The following DNAJC6 variants were observed in gnomAD, a reference collection of about 807,000 sequenced individuals.
DNAJC6 encodes the protein DnaJ heat shock protein family (Hsp40) member C6.
A neutral mutation model predicts 110.0 loss-of-function variants in DNAJC6; 34 were observed. That is an observed-to-expected ratio of 0.31 (90% confidence interval 0.24 to 0.41). The LOEUF (loss-of-function observed/expected upper bound fraction) is 0.41, where lower values mean the gene tolerates loss of function less well. Ranked by LOEUF, DNAJC6 falls within the 10% of genes least tolerant of loss-of-function variation. The probability of loss-of-function intolerance (pLI) is 1.00; values close to 1 mark genes in which losing one functional copy is unlikely to be tolerated. For synonymous variants in DNAJC6, 406 were observed against 437.2 expected (o/e 0.93, Z 0.89); for missense variants, 1,031 against 1,207.8 (o/e 0.85, Z 2.17).
rs149993478 is a variant in DNAJC6 at position 65,374,294 on chromosome 1, G to GT, written c.544-5108_544-5107insT. Among the ~76,000 whole-genome samples, 864 of 151,160 alleles carry GT rather than the reference G, an allele frequency of 5.7e-3. 6 individuals are homozygous for GT. Among genetic ancestry groups the GT allele is most frequent in the African/African-American group, 0.019 (774 of 40,968 alleles). Reference sequence around the variant, plus strand: ...TTTGTGGTTCCACATACATTTTAGGGGTTTTTTTTTATTTCTGTGAAGAAT... The same window carrying GT: ...TTTGTGGTTCCACATACATTTTAGGGTGTTTTTTTTTATTTCTGTGAAGAAT... On this transcript the variant is annotated intron_variant, in intron 4 of 18. Coordinates refer to ENST00000371069, the MANE Select transcript of DNAJC6 (RefSeq NM_001256864.2).
At chr1:65,352,746 C>G (rs1645504184) in intron 1 of DNAJC6, among the ~76,000 whole-genome samples, 1 of 152,164 alleles carries the variant, frequency 6.6e-6, no homozygotes, top group Admixed American at 6.5e-5. Context: ...AGTTGGCTTG[C>G]AATGGCAGCT....
At chr1:65,278,886 C>T (rs1294703392) in intron 1 of DNAJC6, 1 of 866,806 alleles carries the variant, frequency 1.2e-6, no homozygotes. Context: ...CTGGCATGCG[C>T]TAACATTGGA....
At chr1:65,373,853 T>C (rs1331869374) in intron 4 of DNAJC6, among the ~76,000 whole-genome samples, 2 of 152,218 alleles carry the variant, frequency 1.3e-5, no homozygotes, top group Admixed American at 6.5e-5. Flanking sequence ...AAGAAATTTT[T>C]GTCCAGATCA....
intron 1 of DNAJC6, among the ~76,000 whole-genome samples, chr1:65,344,068 G>A (rs1177877500): frequency 1.3e-5 from 2 of 152,136 alleles, no homozygotes; most frequent in Non-Finnish European, 2.9e-5. Flanking sequence ...CACCTGCATT[G>A]GCCAGATGCT....
At chr1:65,310,839 T>C (rs1645092745) in intron 1 of DNAJC6, among the ~76,000 whole-genome samples, 1 of 152,212 alleles carries the variant, frequency 6.6e-6, no homozygotes, top group African/African-American at 2.4e-5. Context: ...TACAGAGATA[T>C]TTATAATTGA....
In DNAJC6 at chr1:65,415,330, AAT is replaced by A. The variant is rs1449754302; in HGVS notation, c.*2306_*2307del. 6.6e-6 allele frequency: 1 copy of A among 152,180 alleles called. No individual in the cohort carries two copies. Among genetic ancestry groups the A allele is most frequent in the Non-Finnish European group, 1.5e-5 (1 of 68,034 alleles). The allele number at this position is 152,180 out of a possible 1,614,324, so 9.4% of individuals were successfully genotyped here. A position where few individuals can be genotyped will look rare whatever the true frequency, so the allele number is the denominator to read the frequency against. ...TTGTAGGAATACAATGAGGAGCTTG[AAT>A]GCCACCTTCTGACATGATTTACTTT... On this transcript the variant is annotated 3_prime_UTR_variant, in exon 19 of 19. Transcript: ENST00000371069.
intron 1 of DNAJC6, among the ~76,000 whole-genome samples, chr1:65,283,274 C>T (rs557433167): frequency 6.6e-6 from 1 of 152,308 alleles, no homozygotes; most frequent in South Asian, 2.1e-4. Flanking sequence ...TCACCACACA[C>T]TCTCTTGCAT....
rs1654033294 is a variant in DNAJC6 at position 65,286,824 on chromosome 1, C to T, written c.-131+21892C>T. 2.6e-5 allele frequency among the ~76,000 whole-genome samples: 4 copies of T among 152,192 alleles called. No homozygotes were observed. In the South Asian group the frequency reaches 8.3e-4, roughly 31 times the overall value. On this transcript the variant is annotated intron_variant, in intron 1 of 19. Coordinates refer to the DNAJC6 transcript ENST00000263441. Reference sequence around the variant, plus strand: ...TATATTAGCTCATTTAAACCTAGTACTAATCCTGAGAGGTATGTTCATTAT... The same window carrying T: ...TATATTAGCTCATTTAAACCTAGTATTAATCCTGAGAGGTATGTTCATTAT...
intron 4 of DNAJC6, among the ~76,000 whole-genome samples, chr1:65,377,694 T>G (rs1408713975): frequency 6.6e-6 from 1 of 152,108 alleles, no homozygotes; most frequent in Non-Finnish European, 1.5e-5. Flanking sequence ...ACAGAGAAAC[T>G]CAATGTGTTT....
chr1:65,294,073 A>G (rs1644905331), intron 1 of DNAJC6, among the ~76,000 whole-genome samples: 1 of 151,312 alleles, frequency 6.6e-6, no homozygotes, highest in East Asian at 1.9e-4. Context: ...TGCTACAAAG[A>G]AAAAGCAATG....
intron 1 of DNAJC6, among the ~76,000 whole-genome samples, chr1:65,330,798 C>CG (rs1411932821): frequency 2.0e-5 from 3 of 152,168 alleles, no homozygotes; most frequent in Non-Finnish European, 4.4e-5. Context: ...ATATAAAAGT[C>CG]GGATCTGGAA....
chr1:65,309,886 G>A lies in DNAJC6; in HGVS notation c.141G>A (p.Ala47=), dbSNP rs985548488. 2 of 1,544,392 alleles carry A rather than the reference G, an allele frequency of 1.3e-6. No homozygotes were observed. The highest frequency in any genetic ancestry group is 2.8e-5 in the African/African-American group (2 of 72,370). The change falls in exon 1 of 19, where the codon GCG becomes GCA. Residue 47 remains alanine, a synonymous_variant. Coordinates refer to ENST00000371069, the MANE Select transcript of DNAJC6 (RefSeq NM_001256864.2). ...AGAGAGTGAACGCCGGGGCAGCGGC[G>A]CGGAGTCCCGCCCGACAGCCTCCGG... ...GKQRVNAGAA[A]RSPARQPPDR...
intron 4 of DNAJC6, among the ~76,000 whole-genome samples, chr1:65,371,339 G>A (rs1645703730): frequency 6.6e-6 from 1 of 152,112 alleles, no homozygotes; most frequent in African/African-American, 2.4e-5. Flanking sequence ...TTTTTCTCCT[G>A]TGTAAAATGG....
intron 18 of DNAJC6, 58 bp downstream of exon 18, chr1:65,411,484 A>T: frequency 6.5e-6 from 10 of 1,527,354 alleles, no homozygotes; most frequent in Non-Finnish European, 8.9e-6. Context: ...TTATCTTATG[A>T]GTATGTGTTT....
chr1:65,347,626 A>G (rs1277678198), intron 1 of DNAJC6, among the ~76,000 whole-genome samples: 2 of 152,116 alleles, frequency 1.3e-5, no homozygotes, highest in Non-Finnish European at 2.9e-5. Flanking sequence ...TATCTGAATG[A>G]AACCTTTTTT....
intron 1 of DNAJC6, among the ~76,000 whole-genome samples, chr1:65,326,969 A>G (rs1168812378): frequency 6.6e-6 from 1 of 152,234 alleles, no homozygotes; most frequent in Non-Finnish European, 1.5e-5. Flanking sequence ...GCCCTACTCA[A>G]AGATGAAAAA....
chr1:65,314,492 T>C (rs1645130952), intron 1 of DNAJC6, among the ~76,000 whole-genome samples: 1 of 151,396 alleles, frequency 6.6e-6, no homozygotes. Context: ...TATTTTTTAT[T>C]TTTTTTTTAT....
At chr1:65,332,338 C>T (rs1450861804) in intron 1 of DNAJC6, among the ~76,000 whole-genome samples, 3 of 152,044 alleles carry the variant, frequency 2.0e-5, no homozygotes, top group African/African-American at 7.3e-5. Flanking sequence ...TGGTGGGGCA[C>T]CTTTCTGGAG....
intron 1 of DNAJC6, among the ~76,000 whole-genome samples, chr1:65,278,068 GGT>G (rs1253941808): frequency 6.6e-6 from 1 of 152,180 alleles, no homozygotes; most frequent in Non-Finnish European, 1.5e-5. Context: ...CTTAGAAAAA[GGT>G]GGGTACTTGG....
Sources: allele counts gnomAD v4.1 joint callset (sites outside exome capture counted in the v4.1 genomes callset), GRCh38; gene constraint gnomAD v4.1.1; transcripts MANE v1.5; gene names NCBI Gene and HGNC (gene_info 2026-07-23, HGNC 2026-07-21).